The following GRM8 variants were observed in gnomAD, a reference collection of about 807,000 sequenced individuals.
The protein encoded by GRM8 is glutamate metabotropic receptor 8.
A neutral mutation model predicts 87.2 loss-of-function variants in GRM8; 47 were observed. That is an observed-to-expected ratio of 0.54 (90% CI 0.43 to 0.69). GRM8 has a LOEUF of 0.69. GRM8 is among the 30% of genes least tolerant of loss of function. GRM8 has a pLI of 0.00. For synonymous variants in GRM8, 396 were observed against 404.5 expected (o/e 0.98, Z 0.25); for missense variants, 1,019 against 1,139.2 (o/e 0.89, Z 1.52).
chr7:126,974,895 C>T lies in GRM8; in HGVS notation c.728-70212G>A, dbSNP rs186350402. Among the ~76,000 whole-genome samples the T allele has an allele frequency of 4.6e-3, 648 of 140,044 alleles. 7 individuals are homozygous for T. Among genetic ancestry groups the T allele is most frequent in the African/African-American group, 0.017 (620 of 36,540 alleles). 91.9% of individuals were successfully genotyped at this position (140,044 alleles called of 152,430 possible). A position where few individuals can be genotyped will look rare whatever the true frequency, so the allele number is the denominator to read the frequency against. ...AGCTTGCAGTGAGCCAAAATCGCGC[C>T]ACTGCGCTCCAGCCTGGGTGACAGA... On this transcript the variant is annotated intron_variant, in intron 3 of 10. Transcript: ENST00000339582.
In GRM8 at chr7:127,243,296, T is replaced by TGAGGCTGC; in HGVS notation, c.-93_-92insGCAGCCTC. On this transcript the variant is annotated 5_prime_UTR_variant, in exon 2 of 11. An upstream open reading frame in the 5' UTR loses its in-frame stop. Coordinates refer to ENST00000339582, the MANE Select transcript of GRM8 (RefSeq NM_000845.3). ...ACCTGAGGCTGCACCTTCTGGAGGC[T>TGAGGCTGC]ACCATCAGGGCCCATGGGGAAAAGG... 1 of 1,160,262 alleles carries TGAGGCTGC rather than the reference T, an allele frequency of 8.6e-7. No homozygotes were observed. Among genetic ancestry groups the TGAGGCTGC allele is most frequent in the Non-Finnish European group, 1.2e-6 (1 of 821,250 alleles). 71.9% of individuals were successfully genotyped at this position (1,160,262 alleles called of 1,614,324 possible). A position where few individuals can be genotyped will look rare whatever the true frequency, so the allele number is the denominator to read the frequency against.
chr7:126,938,072 G>A (rs1038387093), intron 3 of GRM8, among the ~76,000 whole-genome samples: 1 of 152,154 alleles, frequency 6.6e-6, no homozygotes, highest in African/African-American at 2.4e-5. Flanking sequence ...ACCCCCTCTT[G>A]TAGCTAACTA....
intron 9 of GRM8, among the ~76,000 whole-genome samples, chr7:126,449,847 C>T (rs1213997828): frequency 6.6e-6 from 1 of 151,754 alleles, no homozygotes; most frequent in Non-Finnish European, 1.5e-5. Flanking sequence ...CTTACGTGCT[C>T]CCTCCTGGCC....
chr7:126,703,230 A>G (rs1810131102), intron 7 of GRM8, among the ~76,000 whole-genome samples: 1 of 152,210 alleles, frequency 6.6e-6, no homozygotes, highest in Non-Finnish European at 1.5e-5. Context: ...AGCAGGGGTG[A>G]GGAAAAGGAG....
chr7:126,775,479 G>GTTTTTTTTT (rs372733476), intron 6 of GRM8, among the ~76,000 whole-genome samples: 18 of 104,756 alleles, frequency 1.7e-4, no homozygotes, highest in African/African-American at 7.4e-4. Context: ...TGACAAATAG[G>GTTTTTTTTT]TTTTTTTTTT....
At chr7:126,934,773 C>A (rs1480759644) in intron 3 of GRM8, among the ~76,000 whole-genome samples, 1 of 152,170 alleles carries the variant, frequency 6.6e-6, no homozygotes, top group African/African-American at 2.4e-5. Flanking sequence ...AGCTTAATTT[C>A]TTTGACTAAG....
intron 7 of GRM8, among the ~76,000 whole-genome samples, chr7:126,672,283 G>A (rs1011461044): frequency 6.6e-6 from 1 of 152,172 alleles, no homozygotes; most frequent in South Asian, 2.1e-4. Context: ...ACTGGACCCT[G>A]GGGATGCAAG....
At chr7:126,611,727 G>A (rs1432337754) in intron 7 of GRM8, among the ~76,000 whole-genome samples, 1 of 152,012 alleles carries the variant, frequency 6.6e-6, no homozygotes, top group African/African-American at 2.4e-5. Flanking sequence ...TACAATAACA[G>A]TACCTAAGAT....
chr7:126,599,089 A>G (rs1041046188), intron 8 of GRM8, among the ~76,000 whole-genome samples: 5 of 152,180 alleles, frequency 3.3e-5, no homozygotes, highest in African/African-American at 1.2e-4. Context: ...AAAGACAGTT[A>G]TCAGAAGTCA....
Position 127,186,818 on chromosome 7 carries a change from A to G in GRM8, c.510+55877T>C, listed in dbSNP as rs534575497. Among the ~76,000 whole-genome samples, 11 of 152,312 alleles carry G rather than the reference A, an allele frequency of 7.2e-5. No individual in the cohort carries two copies. In the South Asian group the frequency reaches 2.3e-3, roughly 32 times the overall value. On this transcript the variant is annotated intron_variant, in intron 2 of 10. Coordinates refer to ENST00000339582, the MANE Select transcript of GRM8 (RefSeq NM_000845.3). ...TGTGGAGCCTACTCTGAACCCCAGA[A>G]GTTGGTTATGCCTTCTTTGTTCTCC... is the stretch of plus-strand genomic sequence containing the variant.
intron 3 of GRM8, among the ~76,000 whole-genome samples, chr7:127,082,621 T>C (rs1350798479): frequency 6.6e-6 from 1 of 152,252 alleles, no homozygotes; most frequent in African/African-American, 2.4e-5. Flanking sequence ...ATCCCTATTA[T>C]GACATAAATC....
At chr7:126,992,075 TAACC>T (rs1812715696) in intron 3 of GRM8, among the ~76,000 whole-genome samples, 1 of 152,200 alleles carries the variant, frequency 6.6e-6, no homozygotes, top group African/African-American at 2.4e-5. Context: ...AAAGCTACTA[TAACC>T]AGTGATTACA....
intron 6 of GRM8, among the ~76,000 whole-genome samples, chr7:126,885,630 T>G (rs1192507033): frequency 2.6e-5 from 4 of 152,128 alleles, no homozygotes; most frequent in Non-Finnish European, 5.9e-5. Flanking sequence ...CATGAGATGT[T>G]TACACCTAAG....
chr7:127,069,222 G>A (rs565512441), intron 3 of GRM8, among the ~76,000 whole-genome samples: 1 of 152,290 alleles, frequency 6.6e-6, no homozygotes, highest in East Asian at 1.9e-4. Context: ...GAGTGCCACG[G>A]CACGATCTCA....
chr7:127,073,074 C>A (rs1277779280), intron 3 of GRM8, among the ~76,000 whole-genome samples: 4 of 152,102 alleles, frequency 2.6e-5, no homozygotes, highest in Non-Finnish European at 4.4e-5. Flanking sequence ...AGTCAGTCAT[C>A]ACCGCCACAG....
At chr7:126,625,687 TA>T (rs1315358299) in intron 7 of GRM8, among the ~76,000 whole-genome samples, 3 of 152,224 alleles carry the variant, frequency 2.0e-5, no homozygotes, top group Admixed American at 6.5e-5. Flanking sequence ...ACTTTTAAAA[TA>T]GGAAAAGACC....
chr7:126,596,420 G>GT (rs1415209010), intron 8 of GRM8, among the ~76,000 whole-genome samples: 1 of 152,034 alleles, frequency 6.6e-6, no homozygotes, highest in African/African-American at 2.4e-5. Flanking sequence ...AAAGTTGAAC[G>GT]TTTTTTCATA....
chr7:127,028,723 C>T (rs1008768604), intron 3 of GRM8, among the ~76,000 whole-genome samples: 1 of 151,908 alleles, frequency 6.6e-6, no homozygotes, highest in South Asian at 2.1e-4. Context: ...ATCCTTCTTT[C>T]TTTTCTTATT....
intron 2 of GRM8, among the ~76,000 whole-genome samples, chr7:127,117,429 ATTCT>A (rs1000743863): frequency 1.3e-5 from 2 of 152,196 alleles, no homozygotes; most frequent in Non-Finnish European, 2.9e-5. Flanking sequence ...CCCTGATTTC[ATTCT>A]TTCTGTTTCT....
Sources: gnomAD v4.1 joint callset for allele counts (sites outside exome capture counted in the v4.1 genomes callset) on GRCh38, gnomAD v4.1.1 for gene constraint, MANE v1.5 for transcripts, NCBI Gene and HGNC (gene_info 2026-07-23, HGNC 2026-07-21) for gene names.